The following NOL11 variants were observed in gnomAD, a reference collection of about 807,000 sequenced individuals.
NOL11 encodes nucleolar protein 11.
A neutral mutation model predicts 93.0 loss-of-function variants in NOL11; 42 were observed. The ratio of observed to expected loss-of-function variants is 0.45; its 90% CI spans 0.35 to 0.58. NOL11 has a LOEUF of 0.58. Ranked by LOEUF, NOL11 falls within the 20% of genes least tolerant of loss-of-function variation. The probability of loss-of-function intolerance (pLI) is 0.00; values close to 1 mark genes in which losing one functional copy is unlikely to be tolerated. For synonymous variants in NOL11, 296 were observed against 293.7 expected (o/e 1.01, Z -0.08); for missense variants, 775 against 841.8 (o/e 0.92, Z 0.98).
chr17:67,720,570 G>C (rs1357154585), intron 3 of NOL11: 1 of 152,266 alleles, frequency 6.6e-6, no homozygotes, highest in Non-Finnish European at 1.5e-5. Context: ...CAAAGTGCTG[G>C]GATTACAGGC....
At position 67,723,632 on chromosome 17, in the gene NOL11, C is replaced by T. The variant is rs111727150; in HGVS notation, c.520-417C>T. 5.0e-3 allele frequency among the ~76,000 whole-genome samples: 766 copies of T among 151,842 alleles called. 3 individuals carry two copies. Among genetic ancestry groups the T allele is most frequent in the African/African-American group, 0.018 (725 of 41,390 alleles). On this transcript the variant is annotated intron_variant, in intron 5 of 17. Transcript: ENST00000253247. ...TCGAACTCCTGACCTTGTGATCCAC[C>T]GACTGCGGCCTCCCAAAGTGCTGGT...
In NOL11 at chr17:67,726,571, C is replaced by G. The variant is rs1303301232; in HGVS notation, c.776C>G (p.Ala259Gly). ...LLLKAVVSGN[A>G]RNGVALTALD... ...CTCAAGGCTGTTGTATCTGGTAACGCTCGAAATGGAGTTGCACTCACTGCC... is the reference window on the plus strand; with the variant it reads ...CTCAAGGCTGTTGTATCTGGTAACGGTCGAAATGGAGTTGCACTCACTGCC... Residue 259 changes from alanine to glycine, a missense_variant, in exon 7 of 18, where the codon GCT becomes GGT. Ala to Gly is a moderately conservative substitution (Grantham distance 60). Around this residue, in one of 2 missense-constraint regions of NOL11, gnomAD observed 359 missense variants for 316.5 expected, o/e 1.13. Coordinates refer to ENST00000253247, the MANE Select transcript of NOL11 (RefSeq NM_015462.5). The G allele has an allele frequency of 7.4e-6, 12 of 1,614,010 alleles. No individual in the cohort carries two copies. The highest frequency in any genetic ancestry group is 1.0e-5 in the Non-Finnish European group (12 of 1,180,022).
intron 9 of NOL11, 186 bp from the exon 10 acceptor site, chr17:67,736,480 C>T (rs1427470740): frequency 1.3e-5 from 7 of 538,992 alleles, no homozygotes; most frequent in East Asian, 3.1e-5. Context: ...GTTAGCTTAA[C>T]GTTGTTGGAC....
At chr17:67,734,555 C>T (rs1012794967) in intron 8 of NOL11, 116 bp downstream of exon 8, 6 of 640,178 alleles carry the variant, frequency 9.4e-6, no homozygotes, top group Non-Finnish European at 1.7e-5. Flanking sequence ...TACTCTTGGG[C>T]TCAAGTGATC....
Position 67,719,452 on chromosome 17 carries a change from GGTTTCACCAT to G in NOL11, c.142-218_142-209del, listed in dbSNP as rs1052543251. The G allele has an allele frequency of 5.8e-5, 19 of 325,500 alleles. No homozygotes were observed. The Admixed American group carries it at 9.1e-4, about 16-fold the overall frequency. 20.2% of individuals were successfully genotyped at this position (325,500 alleles called of 1,614,324 possible). A position where few individuals can be genotyped will look rare whatever the true frequency, so the allele number is the denominator to read the frequency against. On this transcript the variant is annotated intron_variant, in intron 1 of 17. Coordinates refer to ENST00000253247, the MANE Select transcript of NOL11 (RefSeq NM_015462.5). ...ATTTTTGTGTTTTTAGTAGAGACAG[GGTTTCACCAT>G]GTTGGTCAAGCTGGTCTCGAACTCC...
At chr17:67,726,700 G>C (rs1324814314) in intron 7 of NOL11, 52 bp downstream of exon 7, 5 of 1,277,490 alleles carry the variant, frequency 3.9e-6, no homozygotes, top group Non-Finnish European at 5.3e-6. Context: ...CCTTCACGGT[G>C]TACCTTTTAG....
rs1043773549 is a variant in NOL11, at chr17:67,739,553, G to C, written c.1880G>C (p.Cys627Ser). 3 of 1,599,948 alleles carry C rather than the reference G, an allele frequency of 1.9e-6. No homozygotes were observed. In the African/African-American group the frequency reaches 4.1e-5, roughly 22 times the overall value. The change falls in exon 16 of 18, where the codon TGT becomes TCT. Residue 627 changes from cysteine (C) to serine (S), a missense_variant. Cys to Ser is a moderately radical substitution (Grantham distance 112, BLOSUM62 -1). This residue lies in a region of NOL11 where 416 missense variants were observed against 525.2 expected (regional missense o/e 0.79). Transcript: ENST00000253247. ...LKYLYFLYLK[C>S]SENATMTLPG... is the part of the protein sequence containing the mutation. ...TATTTGTATTTCCTGTACCTGAAGT[G>C]TAGCGAAAATGCTACTATGACTCTT...
intron 11 of NOL11, among the ~76,000 whole-genome samples, 160 bp downstream of exon 11, chr17:67,737,305 C>G (rs2143132311): frequency 6.6e-6 from 1 of 152,310 alleles, no homozygotes; most frequent in South Asian, 2.1e-4. Context: ...ATTTTGGCTT[C>G]TTTGATGCTC....
intron 6 of NOL11, among the ~76,000 whole-genome samples, chr17:67,725,230 C>G (rs1423642954): frequency 1.3e-5 from 2 of 151,986 alleles, no homozygotes; most frequent in Admixed American, 6.6e-5. Context: ...CTCCTTTTTT[C>G]CAACCATTAG....
chr17:67,738,587 T>A, intron 14 of NOL11: 1 of 486,118 alleles, frequency 2.1e-6, no homozygotes, highest in Non-Finnish European at 3.6e-6. Flanking sequence ...GTCCCAGCAC[T>A]TTTTGAGGCC....
At chr17:67,727,808 A>G (rs2055110947) in intron 7 of NOL11, among the ~76,000 whole-genome samples, 3 of 151,668 alleles carry the variant, frequency 2.0e-5, no homozygotes, top group Admixed American at 6.6e-5. Context: ...TCTACCAAAA[A>G]TACAAAAAAT....
At chr17:67,735,003 C>G (rs2055188337) in intron 8 of NOL11, among the ~76,000 whole-genome samples, 1 of 152,048 alleles carries the variant, frequency 6.6e-6, no homozygotes, top group South Asian at 2.1e-4. Context: ...TGTCTTTTTA[C>G]TTATGTATTT....
Position 67,718,024 on chromosome 17 carries a change from A to C in NOL11, c.77A>C (p.Glu26Ala), listed in dbSNP as rs760034370. Residue 26 changes from glutamate (E) to alanine (A), a missense_variant, in exon 1 of 18, where the codon GAG becomes GCG. Glu to Ala is a moderately radical substitution (Grantham distance 107). Transcript: ENST00000253247. ...GGGCCTGAAGGACTCCTAGGCGTGG[A>C]GCAGAGCGACAAAACAGACCAGTTT... ...SAGPEGLLGV[E>A]QSDKTDQFLV... 17 of 1,614,110 alleles carry C rather than the reference A, an allele frequency of 1.1e-5. No homozygotes were observed. The Admixed American group carries it at 2.8e-4, about 27-fold the overall frequency.
At chr17:67,739,451 T>G in intron 15 of NOL11, 65 bp from the exon 16 acceptor site, 1 of 917,854 alleles carries the variant, frequency 1.1e-6, no homozygotes, top group Non-Finnish European at 1.7e-6. Flanking sequence ...ATCTTCGTGA[T>G]GGGTTTATAT....
chr17:67,721,087 A>T (rs1253756340), intron 3 of NOL11, among the ~76,000 whole-genome samples: 5 of 152,228 alleles, frequency 3.3e-5, no homozygotes, highest in Non-Finnish European at 5.9e-5. Flanking sequence ...TATCTTTCCC[A>T]GTTTTAAGAA....
chr17:67,725,171 A>G (rs2055080048), intron 6 of NOL11, among the ~76,000 whole-genome samples: 1 of 152,232 alleles, frequency 6.6e-6, no homozygotes, highest in South Asian at 2.1e-4. Context: ...CTTTGAGTGT[A>G]ATTAGTGAAA....
At chr17:67,729,394 C>T (rs1321048891) in intron 7 of NOL11, among the ~76,000 whole-genome samples, 1 of 152,044 alleles carries the variant, frequency 6.6e-6, no homozygotes, top group Non-Finnish European at 1.5e-5. Flanking sequence ...GCTGGGATTA[C>T]AGGCGTGAGC....
chr17:67,729,088 T>TG (rs2055126548), intron 7 of NOL11, among the ~76,000 whole-genome samples: 1 of 88,948 alleles, frequency 1.1e-5, no homozygotes, highest in South Asian at 4.5e-4. Flanking sequence ...TCTAGTTTTT[T>TG]TTGTTGTTGT....
At chr17:67,723,269 C>T (rs1350083438) in intron 5 of NOL11, among the ~76,000 whole-genome samples, 3 of 151,862 alleles carry the variant, frequency 2.0e-5, no homozygotes, top group African/African-American at 7.3e-5. Flanking sequence ...ACCTCAGCCT[C>T]CCAAAGTGCT....
Sources: allele counts gnomAD v4.1 joint callset (sites outside exome capture counted in the v4.1 genomes callset), GRCh38; gene constraint gnomAD v4.1.1; regional missense constraint gnomAD v4.1.1; transcripts MANE v1.5; gene names NCBI Gene and HGNC (gene_info 2026-07-23, HGNC 2026-07-21).